CASP9: variants seen among roughly 807,000 people sequenced by gnomAD.
CASP9 encodes the protein caspase 9.
In CASP9, 29 loss-of-function variants were observed where a neutral mutation model predicts 43.5. That is an observed-to-expected ratio of 0.67 (90% CI 0.50 to 0.91). The LOEUF is 0.91. CASP9 is among the 40% of genes least tolerant of loss of function. CASP9 has a pLI of 0.00. For synonymous variants in CASP9, 206 were observed against 211.9 expected, an observed-to-expected ratio of 0.97 and a Z score of 0.24; for missense variants, 575 against 537.4, an observed-to-expected ratio of 1.07 and a Z score of -0.69.
chr1:15,498,166 C>A (rs144085867), intron 6 of CASP9, among the ~76,000 whole-genome samples: 6 of 152,296 alleles, frequency 3.9e-5, no homozygotes, highest in African/African-American at 1.2e-4. Flanking sequence ...TCACTGCAGC[C>A]TTGACCTGCC....
intron 6 of CASP9, among the ~76,000 whole-genome samples, chr1:15,504,257 G>A (rs1709433731): frequency 6.6e-6 from 1 of 152,196 alleles, no homozygotes; most frequent in African/African-American, 2.4e-5. Context: ...TGGGATAGTG[G>A]AAACGGGGTC....
At chr1:15,524,541 T>A, upstream of CASP9, 9 of 242,672 alleles carry the variant, frequency 3.7e-5, no homozygotes, top group Non-Finnish European at 4.5e-5. Flanking sequence ...AATCCACCAC[T>A]GCGTCCCCGC....
intron 8 of CASP9, 111 bp from the exon 9 acceptor site, chr1:15,493,146 C>T (rs1708955436): frequency 3.2e-6 from 5 of 1,538,796 alleles, no homozygotes; most frequent in Non-Finnish European, 4.4e-6. Context: ...AAAAACAGCT[C>T]AAACTGCAGC....
At chr1:15,498,863 C>T (rs182645370) in intron 6 of CASP9, among the ~76,000 whole-genome samples, 61 of 150,340 alleles carry the variant, frequency 4.1e-4, no homozygotes, top group African/African-American at 1.4e-3. Context: ...TCTCCTGTCT[C>T]AGCCTCCCAA....
At chr1:15,493,711 CA>C (rs752719779) in intron 8 of CASP9, 180 bp downstream of exon 8, 31 of 1,486,826 alleles carry the variant, frequency 2.1e-5, no homozygotes, top group Non-Finnish European at 2.6e-5. Context: ...AACGTCACCA[CA>C]GGCAGGATGC....
chr1:15,508,924 T>C (rs1709629232), intron 2 of CASP9, among the ~76,000 whole-genome samples: 1 of 152,180 alleles, frequency 6.6e-6, no homozygotes, highest in Non-Finnish European at 1.5e-5. Flanking sequence ...ACTGGCCAGG[T>C]AGAGAACCCA....
At chr1:15,524,262 C>T (rs1710349873), upstream of CASP9, 21 of 1,516,932 alleles carry the variant, frequency 1.4e-5, no homozygotes, top group Non-Finnish European at 1.8e-5. Flanking sequence ...GGCCGCCCGC[C>T]CCAGTCCCCA....
In CASP9 at chr1:15,501,149, T is replaced by C. The variant is rs146310867; in HGVS notation, c.868+3462A>G. On this transcript the variant is annotated intron_variant, in intron 6 of 8. Transcript: ENST00000333868. ...CAGAAAATCCACGACCACTGCAGCA[T>C]ATTGTCATTGCTTTCTGTCTTCTCA... 2.9e-3 allele frequency among the ~76,000 whole-genome samples: 438 copies of C among 152,272 alleles called. 2 individuals are homozygous for C. The highest frequency in any genetic ancestry group is 0.01 in the African/African-American group (423 of 41,546).
chr1:15,522,931 T>G (rs1243595127), intron 1 of CASP9, among the ~76,000 whole-genome samples: 2 of 152,200 alleles, frequency 1.3e-5, no homozygotes, highest in Non-Finnish European at 2.9e-5. Flanking sequence ...GGCACAAAAC[T>G]TATTTTATTA....
intron 3 of CASP9, 144 bp from the exon 4 acceptor site, chr1:15,507,219 G>T: frequency 1.2e-6 from 1 of 800,408 alleles, no homozygotes; most frequent in Non-Finnish European, 2.0e-6. Context: ...CAAAAGAGAA[G>T]CAACTGCAGG....
At chr1:15,501,857 G>A (rs1427744302) in intron 6 of CASP9, among the ~76,000 whole-genome samples, 2 of 151,798 alleles carry the variant, frequency 1.3e-5, no homozygotes, top group Admixed American at 6.6e-5. Context: ...CTGTAGCCTC[G>A]ACCTCCAGGG....
chr1:15,493,381 C>T, intron 8 of CASP9: 1 of 1,232,774 alleles, frequency 8.1e-7, no homozygotes, highest in Non-Finnish European at 1.0e-6. Context: ...CCACAGGACC[C>T]TCAGAGGAAG....
intron 8 of CASP9, chr1:15,493,327 G>T (rs1708962975): frequency 7.7e-7 from 1 of 1,300,856 alleles, no homozygotes; most frequent in Non-Finnish European, 9.7e-7. Context: ...CCTGAGCAGA[G>T]CAGCTGGGGC....
intron 2 of CASP9, among the ~76,000 whole-genome samples, chr1:15,511,428 G>C (rs539254994): frequency 2.0e-5 from 3 of 148,106 alleles, no homozygotes; most frequent in Non-Finnish European, 4.5e-5. Flanking sequence ...TTTTCAGACA[G>C]AGTCCCGCTC....
In CASP9 at chr1:15,495,367, C is replaced by G; in HGVS notation, c.954G>C (p.Pro318=). ...CGAAGGTCCTCAAACCTTCCTGGAA[C>G]GGGGTGGCATCTGGCTCGGGGTTAC... The part of the protein sequence containing the change: ...PGSNPEPDAT[P]FQEGLRTFDQ... Residue 318 remains proline (P), a synonymous_variant, in exon 7 of 9, where the codon CCG becomes CCC. Transcript: ENST00000333868. The G allele has an allele frequency of 1.2e-6, 2 of 1,609,608 alleles. No individual in the cohort carries two copies. The highest frequency in any genetic ancestry group is 1.7e-6 in the Non-Finnish European group (2 of 1,178,390).
At chr1:15,518,465 T>G (rs1235022733) in intron 1 of CASP9, 70 bp from the exon 2 acceptor site, 6 of 1,504,090 alleles carry the variant, frequency 4.0e-6, no homozygotes, top group Admixed American at 3.7e-5. Flanking sequence ...TGTCTCCCCA[T>G]TTCCCAGCTA....
At position 15,518,424 on chromosome 1, in the gene CASP9, T is replaced by C. The variant is rs763222354; in HGVS notation, c.133-29A>G. ...TTTGGAAAGAAAGGCAGGATACTAA[T>C]TATCCACGTACTTTTATATGGCTCT... On this transcript the variant is annotated intron_variant, in intron 1 of 8. Coordinates refer to ENST00000333868, the MANE Select transcript of CASP9 (RefSeq NM_001229.5). 2.5e-6 allele frequency: 4 copies of C among 1,600,140 alleles called. No homozygotes were observed. The South Asian group carries it at 4.4e-5, about 18-fold the overall frequency.
intron 2 of CASP9, among the ~76,000 whole-genome samples, chr1:15,515,263 A>G (rs1196486829): frequency 6.6e-6 from 1 of 152,202 alleles, no homozygotes; most frequent in Non-Finnish European, 1.5e-5. Flanking sequence ...GCACATGGCC[A>G]ATTCCAGAAC....
In CASP9 at chr1:15,506,987, G is replaced by C; in HGVS notation, c.542C>G (p.Thr181Ser). 6.2e-7 allele frequency: 1 copy of C among 1,614,226 alleles called. No homozygotes were observed. Among genetic ancestry groups the C allele is most frequent in the Non-Finnish European group, 8.5e-7 (1 of 1,180,042 alleles). Residue 181 changes from threonine to serine, a missense_variant, in exon 4 of 9, where the codon ACT (threonine) becomes AGT (serine). Transcript: ENST00000333868. ...CTTCTCACAGTCGATGTTGGAGCCAGTGCGGGTGCGGAGCCCGGACTCACG... is the reference window on the plus strand; with the variant it reads ...CTTCTCACAGTCGATGTTGGAGCCACTGCGGGTGCGGAGCCCGGACTCACG... ...FCRESGLRTR[T>S]GSNIDCEKLR...
Sources: gnomAD v4.1 joint callset for allele counts (sites outside exome capture counted in the v4.1 genomes callset) on GRCh38, gnomAD v4.1.1 for gene constraint, MANE v1.5 for transcripts, NCBI Gene and HGNC (gene_info 2026-07-23, HGNC 2026-07-21) for gene names.